The following PIWIL3 variants were observed in gnomAD, a reference collection of about 807,000 sequenced individuals.
PIWIL3 encodes the protein piwi like RNA-mediated gene silencing 3, also known as piwi-like protein 3.
In PIWIL3, 101 loss-of-function variants were observed where a neutral mutation model predicts 109.7. The observed-to-expected ratio is 0.92, with a 90% CI of 0.78 to 1.09. The LOEUF (loss-of-function observed/expected upper bound fraction) is 1.09. Among genes scored for constraint, PIWIL3 ranks in the 50% least tolerant of loss-of-function variants. The probability of loss-of-function intolerance (pLI) is 0.00; values close to 1 mark genes in which losing one functional copy is unlikely to be tolerated. For missense variants in PIWIL3, 1,031 were observed against 1,072.6 expected (o/e 0.96, Z 0.54); for synonymous variants, 373 against 376.4 (o/e 0.99, Z 0.10).
At chr22:24,763,691 A>T (rs1925594245) in intron 1 of PIWIL3, among the ~76,000 whole-genome samples, 1 of 152,148 alleles carries the variant, frequency 6.6e-6, no homozygotes, top group Admixed American at 6.5e-5. Flanking sequence ...TGTATGAGTC[A>T]GTTGAGTACT....
At position 24,752,376 on chromosome 22, in the gene PIWIL3, C is replaced by T. The variant is rs116071923; in HGVS notation, c.978-878G>A. Among the ~76,000 whole-genome samples, 92 of 151,988 alleles carry T rather than the reference C, an allele frequency of 6.1e-4. 1 individual carries two copies. Among genetic ancestry groups the T allele is most frequent in the Middle Eastern group, 3.4e-3 (1 of 294 alleles). On this transcript the variant is annotated intron_variant, in intron 8 of 20. Coordinates refer to ENST00000616349, the MANE Select transcript of PIWIL3 (RefSeq NM_001255975.1). ...CCATGTGTGCAGGTGTTATGGTGCC[C>T]GCCCACCAGATGGAGATCACATCTG...
intron 19 of PIWIL3, among the ~76,000 whole-genome samples, chr22:24,720,664 T>C (rs1922624783): frequency 6.6e-6 from 1 of 152,222 alleles, no homozygotes; most frequent in Non-Finnish European, 1.5e-5. Context: ...TTGTACTTTA[T>C]GTTTATGATA....
At chr22:24,745,742 GA>G (rs1924325549) in intron 12 of PIWIL3, among the ~76,000 whole-genome samples, 1 of 112,264 alleles carries the variant, frequency 8.9e-6, no homozygotes, top group East Asian at 2.8e-4. Flanking sequence ...AAAAAAAGAA[GA>G]TCCAAATAAG....
chr22:24,749,298 G>A (rs1924561798), intron 11 of PIWIL3, 106 bp downstream of exon 11: 1 of 1,502,884 alleles, frequency 6.7e-7, no homozygotes, highest in Non-Finnish European at 8.9e-7. Context: ...TCTTCCCATT[G>A]TCACTTGCTT....
rs1383546384 is a variant in PIWIL3, at chr22:24,719,587, C to T, written c.2507G>A (p.Gly836Asp). ...GCAAGGCGCTGGAACTCGGATGATG[C>T]CCTTTAGTAGGAAAAGAAAATACAC... Reference protein sequence around the residue: ...CLCHMYYNLPGIIRVPAPCHY... With the variant: ...CLCHMYYNLPDIIRVPAPCHY... The change falls in exon 21 of 21, where the codon GGC becomes GAC. Residue 836 changes from glycine to aspartate, a missense_variant and splice_region_variant. Gly to Asp is a moderately conservative substitution (Grantham distance 94). Coordinates refer to ENST00000616349, the MANE Select transcript of PIWIL3 (RefSeq NM_001255975.1). 3.8e-6 allele frequency: 6 copies of T among 1,582,854 alleles called. No homozygotes were observed. Among genetic ancestry groups the T allele is most frequent in the Non-Finnish European group, 5.1e-6 (6 of 1,168,078 alleles).
rs371130216 is a variant in PIWIL3, at chr22:24,756,493, G to A, written c.568C>T (p.Arg190Trp). 39 of 1,611,396 alleles carry A rather than the reference G, an allele frequency of 2.4e-5. No individual in the cohort carries two copies. The highest frequency in any genetic ancestry group is 9.3e-5 in the African/African-American group (7 of 74,922). ...SLLLSRPLKE[R>W]RVEWLSTTKD... ...AATGTGAAACAACATTACTTAACCCGCTCTTTTAGTGGCCGAGATAATAAT... is the reference window on the plus strand; with the variant it reads ...AATGTGAAACAACATTACTTAACCCACTCTTTTAGTGGCCGAGATAATAAT... The change falls in exon 5 of 21, where the codon CGG becomes TGG. Residue 190 changes from arginine to tryptophan, a missense_variant and splice_region_variant. Transcript: ENST00000616349.
intron 12 of PIWIL3, among the ~76,000 whole-genome samples, chr22:24,737,062 T>G (rs1923697296): frequency 6.6e-6 from 1 of 152,088 alleles, no homozygotes; most frequent in Non-Finnish European, 1.5e-5. Context: ...GCTCATAAAC[T>G]AGGGGTGGAG....
At chr22:24,751,267 T>TC (rs1924694365) in intron 9 of PIWIL3, 120 bp downstream of exon 9, 1 of 1,023,100 alleles carries the variant, frequency 9.8e-7, no homozygotes, top group African/African-American at 1.6e-5. Flanking sequence ...CAAGCTATAA[T>TC]CCCCTAAAAG....
intron 4 of PIWIL3, 69 bp from the exon 5 acceptor site, chr22:24,756,774 T>C (rs1479912614): frequency 8.1e-6 from 11 of 1,365,508 alleles, no homozygotes; most frequent in Non-Finnish European, 1.1e-5. Flanking sequence ...GTTTGGACAC[T>C]ACAATATTAA....
chr22:24,730,536 T>G (rs901933342), intron 14 of PIWIL3, among the ~76,000 whole-genome samples: 2 of 152,126 alleles, frequency 1.3e-5, no homozygotes, highest in African/African-American at 4.8e-5. Flanking sequence ...TACAATCATA[T>G]GCATATGGTG....
At chr22:24,758,734 A>C (rs931084897) in intron 3 of PIWIL3, among the ~76,000 whole-genome samples, 4 of 152,184 alleles carry the variant, frequency 2.6e-5, no homozygotes, top group Non-Finnish European at 5.9e-5. Context: ...AAGTGTCTCC[A>C]TTTCTGTGAC....
rs746616728 is a variant in PIWIL3 at position 24,728,031 on chromosome 22, C to A, written c.1928G>T (p.Gly643Val). Reference sequence around the variant, plus strand: ...TACGATATCGTGGAAACAATCAATGCCAACGAACATTGTTCTTTGTACCTT... The same window carrying A: ...TACGATATCGTGGAAACAATCAATGACAACGAACATTGTTCTTTGTACCTT... ...ETDVQRTMFV[G>V]IDCFHDIVNR... is the part of the protein sequence containing the mutation. Residue 643 changes from glycine (G) to valine (V), a missense_variant, in exon 16 of 21, where the codon GGC becomes GTC. Transcript: ENST00000616349. The A allele has an allele frequency of 5.0e-6, 8 of 1,613,838 alleles. No homozygotes were observed. The highest frequency in any genetic ancestry group is 6.8e-6 in the Non-Finnish European group (8 of 1,179,950).
intron 1 of PIWIL3, among the ~76,000 whole-genome samples, chr22:24,773,786 C>T (rs935993769): frequency 7.1e-6 from 1 of 140,112 alleles, no homozygotes; most frequent in African/African-American, 2.7e-5. Context: ...GCGATCTTGG[C>T]TCACTGCAAC....
chr22:24,763,036 T>C (rs1157819988), intron 1 of PIWIL3, among the ~76,000 whole-genome samples: 1 of 152,018 alleles, frequency 6.6e-6, no homozygotes, highest in African/African-American at 2.4e-5. Flanking sequence ...ATAAAGCATC[T>C]GGTTACTAAC....
At chr22:24,764,912 A>G (rs1925699555) in intron 1 of PIWIL3, among the ~76,000 whole-genome samples, 1 of 152,184 alleles carries the variant, frequency 6.6e-6, no homozygotes, top group African/African-American at 2.4e-5. Context: ...TTTGGGAGAA[A>G]TGGATAAACT....
intron 1 of PIWIL3, among the ~76,000 whole-genome samples, chr22:24,763,264 C>T (rs1433227947): frequency 2.0e-5 from 3 of 151,804 alleles, no homozygotes; most frequent in Non-Finnish European, 4.4e-5. Context: ...CCTGCCTCAG[C>T]CTCCTGAGGC....
intron 1 of PIWIL3, among the ~76,000 whole-genome samples, chr22:24,772,855 G>T (rs1926205144): frequency 6.6e-6 from 1 of 152,170 alleles, no homozygotes; most frequent in Non-Finnish European, 1.5e-5. Context: ...GCATGTGCCG[G>T]GTGTCCCCTG....
chr22:24,760,924 A>T (rs1311273669), intron 2 of PIWIL3, among the ~76,000 whole-genome samples: 2 of 152,000 alleles, frequency 1.3e-5, no homozygotes, highest in Non-Finnish European at 2.9e-5. Flanking sequence ...AGAGGCCAGG[A>T]TAGGGGTGGT....
chr22:24,765,528 T>A (rs9624589), intron 1 of PIWIL3, among the ~76,000 whole-genome samples: 37,156 of 152,094 alleles, frequency 0.24, 4,760 homozygotes, highest in Admixed American at 0.35. Flanking sequence ...TTAATTATTT[T>A]AAAATATTTA....
Sources: gnomAD v4.1 joint callset for allele counts (sites outside exome capture counted in the v4.1 genomes callset) on GRCh38, gnomAD v4.1.1 for gene constraint, MANE v1.5 for transcripts, NCBI Gene and HGNC (gene_info 2026-07-23, HGNC 2026-07-21) for gene names.